NBEA: variants seen among roughly 807,000 people sequenced by gnomAD.
NBEA encodes the protein neurobeachin, also known as lysosomal-trafficking regulator 2.
In NBEA, 44 loss-of-function variants were observed where a neutral mutation model predicts 343.4. That is an observed-to-expected ratio of 0.13 (90% CI 0.10 to 0.16). The LOEUF (loss-of-function observed/expected upper bound fraction) is 0.16. Among genes scored for constraint, NBEA ranks in the 10% least tolerant of loss-of-function variants. The pLI, the probability that NBEA is intolerant of heterozygous loss-of-function variation, is 1.00. For synonymous variants in NBEA, 1,175 were observed against 1,238.7 expected (o/e 0.95, Z 1.08); for missense variants, 2,555 against 3,631.3 (o/e 0.70, Z 7.62).
chr13:35,651,919 T>TGAA, intron 53 of NBEA, 43 bp downstream of exon 53: 7 of 1,016,906 alleles, frequency 6.9e-6, no homozygotes, highest in Non-Finnish European at 7.5e-6. Flanking sequence ...ATACTATCCA[T>TGAA]ATATTCATAT....
chr13:35,470,976 C>T (rs1457814157), intron 40 of NBEA, among the ~76,000 whole-genome samples: 3 of 152,194 alleles, frequency 2.0e-5, no homozygotes, highest in East Asian at 1.9e-4. Flanking sequence ...GACCCCGACT[C>T]GGCTGGGCAG....
intron 1 of NBEA, among the ~76,000 whole-genome samples, chr13:35,038,940 A>G (rs1469820269): frequency 6.6e-6 from 1 of 152,030 alleles, no homozygotes; most frequent in East Asian, 1.9e-4. Flanking sequence ...GGACTTACCT[A>G]TGAGGTACAG....
chr13:35,177,220 G>A, intron 28 of NBEA, 117 bp downstream of exon 28: 3 of 704,014 alleles, frequency 4.3e-6, no homozygotes, highest in South Asian at 1.9e-5. Flanking sequence ...GGGATTGTTG[G>A]TTTATTGCAT....
chr13:35,040,905 A>G lies in NBEA; in HGVS notation c.295-28A>G, dbSNP rs777452964. On this transcript the variant is annotated intron_variant, in intron 1 of 58. Coordinates refer to ENST00000379939, the MANE Select transcript of NBEA (RefSeq NM_001385012.1). ...GTCATCGATAACCTCCCATGTTAAC[A>G]CTATTGTTTCTTTCTGTTTACTTTC... 8.3e-6 allele frequency: 13 copies of G among 1,571,136 alleles called. No homozygotes were observed. The Admixed American group carries it at 8.4e-5, about 10-fold the overall frequency.
chr13:35,469,841 G>A (rs12428040), intron 40 of NBEA, among the ~76,000 whole-genome samples: 37,286 of 152,090 alleles, frequency 0.25, 4,661 homozygotes, highest in South Asian at 0.35. Context: ...TATTTGGAAA[G>A]GGATCCGAGG....
rs192920455 is a variant in NBEA at position 35,407,620 on chromosome 13, G to A, written c.6180-24649G>A. ...GCTCTGCCCTTTATCAAAAAGACAT[G>A]TGTCTGTCCACTTTAACATTTCTGG... On this transcript the variant is annotated intron_variant, in intron 38 of 58. Transcript: ENST00000379939. Among the ~76,000 whole-genome samples, 10 of 151,830 alleles carry A rather than the reference G, an allele frequency of 6.6e-5. No individual in the cohort carries two copies. The East Asian group carries it at 1.9e-3, about 29-fold the overall frequency.
At chr13:35,010,357 A>G (rs772032217) in intron 1 of NBEA, among the ~76,000 whole-genome samples, 31 of 152,148 alleles carry the variant, frequency 2.0e-4, no homozygotes, top group Middle Eastern at 3.4e-3. Context: ...CAGGAGGATC[A>G]CATGAGGCTA....
At chr13:34,946,847 GT>G (rs778860351) in intron 1 of NBEA, among the ~76,000 whole-genome samples, 2,081 of 130,174 alleles carry the variant, frequency 0.016, 17 homozygotes, top group Non-Finnish European at 0.023. Context: ...TAACTTTAAG[GT>G]TTTTTTTTTT....
intron 34 of NBEA, among the ~76,000 whole-genome samples, chr13:35,263,629 T>C (rs755126170): frequency 6.6e-6 from 1 of 151,994 alleles, no homozygotes; most frequent in Non-Finnish European, 1.5e-5. Context: ...GAGGAACAAC[T>C]TCAGAAAAAT....
intron 38 of NBEA, among the ~76,000 whole-genome samples, chr13:35,395,096 T>G (rs1279928801): frequency 1.3e-5 from 2 of 152,196 alleles, no homozygotes; most frequent in Non-Finnish European, 2.9e-5. Flanking sequence ...AACTCCATTG[T>G]AATCAGAGAA....
intron 33 of NBEA, among the ~76,000 whole-genome samples, chr13:35,219,096 T>C (rs1331484063): frequency 6.6e-6 from 1 of 152,168 alleles, no homozygotes; most frequent in Non-Finnish European, 1.5e-5. Context: ...AATATTATTG[T>C]GTTATTCTTT....
intron 34 of NBEA, among the ~76,000 whole-genome samples, chr13:35,286,765 GT>G (rs1477366628): frequency 1.3e-5 from 2 of 151,792 alleles, no homozygotes; most frequent in African/African-American, 4.8e-5. Context: ...ATTTGTGGCA[GT>G]TTTTTGTTTT....
At chr13:35,184,238 T>C (rs909397543) in intron 30 of NBEA, among the ~76,000 whole-genome samples, 167 bp downstream of exon 30, 1 of 152,112 alleles carries the variant, frequency 6.6e-6, no homozygotes, top group African/African-American at 2.4e-5. Context: ...AGTATAGCTT[T>C]TATATTTGTA....
At chr13:34,978,113 T>C (rs1288034609) in intron 1 of NBEA, among the ~76,000 whole-genome samples, 1 of 152,236 alleles carries the variant, frequency 6.6e-6, no homozygotes, top group Non-Finnish European at 1.5e-5. Context: ...TGCCTAAAGT[T>C]ATTCTTTAAT....
intron 1 of NBEA, among the ~76,000 whole-genome samples, chr13:34,949,494 A>T (rs1440477797): frequency 6.6e-6 from 1 of 152,186 alleles, no homozygotes; most frequent in African/African-American, 2.4e-5. Context: ...CTAGAAGGAA[A>T]ATCTGCGTTA....
At chr13:35,496,504 C>G (rs2076682486) in intron 41 of NBEA, among the ~76,000 whole-genome samples, 1 of 151,430 alleles carries the variant, frequency 6.6e-6, no homozygotes, top group Admixed American at 6.6e-5. Context: ...CATAGTGGTG[C>G]ACACCTGTGG....
intron 34 of NBEA, among the ~76,000 whole-genome samples, chr13:35,274,931 TA>T (rs770513540): frequency 3.9e-5 from 6 of 152,112 alleles, no homozygotes; most frequent in Non-Finnish European, 8.8e-5. Flanking sequence ...CCATACTGCC[TA>T]AGGCAATTTA....
chr13:35,148,133 C>T (rs1382390440), intron 18 of NBEA, among the ~76,000 whole-genome samples: 1 of 152,156 alleles, frequency 6.6e-6, no homozygotes, highest in African/African-American at 2.4e-5. Flanking sequence ...AGCTGGTGTT[C>T]GGGCTCTTGA....
intron 39 of NBEA, among the ~76,000 whole-genome samples, chr13:35,448,133 A>T (rs2046138012): frequency 6.6e-6 from 1 of 152,178 alleles, no homozygotes. Context: ...GTTGATATGG[A>T]TTAGTTTACT....
Sources: allele counts gnomAD v4.1 joint callset (sites outside exome capture counted in the v4.1 genomes callset), GRCh38; gene constraint gnomAD v4.1.1; transcripts MANE v1.5; gene names NCBI Gene and HGNC (gene_info 2026-07-23, HGNC 2026-07-21).